The following CFAP221 variants were observed in gnomAD, a reference collection of about 807,000 sequenced individuals.
CFAP221 encodes the protein cilia- and flagella-associated protein 221.
A neutral mutation model predicts 113.1 loss-of-function variants in CFAP221; 97 were observed. That is an observed-to-expected ratio of 0.86 (90% CI 0.73 to 1.02). The LOEUF (loss-of-function observed/expected upper bound fraction) is 1.02, where lower values mean the gene tolerates loss of function less well. Among genes scored for constraint, CFAP221 ranks in the 50% least tolerant of loss-of-function variants. The probability of loss-of-function intolerance (pLI) is 0.00; values close to 1 mark genes in which losing one functional copy is unlikely to be tolerated. For missense variants in CFAP221, 1,025 were observed against 1,013.4 expected (o/e 1.01, Z -0.16); for synonymous variants, 331 against 354.4 (o/e 0.93, Z 0.74).
At chr2:119,586,853 A>G (rs1163874796) in intron 6 of CFAP221, 1 of 314,580 alleles carries the variant, frequency 3.2e-6, no homozygotes, top group Non-Finnish European at 5.8e-6. Flanking sequence ...GCCACTAACT[A>G]TGTCACCTTG....
chr2:119,580,795 T>G (rs1682801507), intron 6 of CFAP221: 1 of 152,252 alleles, frequency 6.6e-6, no homozygotes, highest in Non-Finnish European at 1.5e-5. Flanking sequence ...AGTCAGGCAG[T>G]GTTGGAGACC....
intron 3 of CFAP221, among the ~76,000 whole-genome samples, chr2:119,550,875 C>T (rs926461480): frequency 3.9e-5 from 6 of 152,160 alleles, no homozygotes; most frequent in African/African-American, 1.2e-4. Context: ...AAGAAGAAAC[C>T]CCACACCCAC....
chr2:119,631,820 G>A (rs755372892), intron 19 of CFAP221, among the ~76,000 whole-genome samples: 10 of 152,150 alleles, frequency 6.6e-5, no homozygotes, highest in Non-Finnish European at 8.8e-5. Flanking sequence ...CAGGAATGAG[G>A]AAGATGACAT....
intron 7 of CFAP221, among the ~76,000 whole-genome samples, chr2:119,600,469 T>C (rs1684285993): frequency 6.6e-6 from 1 of 152,246 alleles, no homozygotes; most frequent in Admixed American, 6.5e-5. Context: ...TGGGAATTCA[T>C]GTCTGAATCG....
Position 119,631,877 on chromosome 2 carries a change from GA to G in CFAP221, c.1974+981del. On this transcript the variant is annotated intron_variant, in intron 19 of 23. Coordinates refer to ENST00000413369, the MANE Select transcript of CFAP221 (RefSeq NM_001271049.2). ...TAAAAAGATAAGAAGTTAATATTAT[GA>G]AAAACTTTATGCCAGTAAATTTGAT... Among the ~76,000 whole-genome samples the G allele has an allele frequency of 2.6e-5, 4 of 152,284 alleles. No homozygotes were observed. In the East Asian group the frequency reaches 5.8e-4, roughly 22 times the overall value.
chr2:119,557,234 G>C (rs1314740795), intron 3 of CFAP221: 1 of 152,248 alleles, frequency 6.6e-6, no homozygotes, highest in Admixed American at 6.5e-5. Context: ...GGAGTCATAG[G>C]TCCACTCCTC....
At chr2:119,559,584 G>T in intron 3 of CFAP221, 105 bp from the exon 4 acceptor site, 1 of 908,582 alleles carries the variant, frequency 1.1e-6, no homozygotes, top group Non-Finnish European at 1.7e-6. Flanking sequence ...TTAAATATAG[G>T]ATATCTCCTC....
chr2:119,576,351 C>T (rs142701299), intron 6 of CFAP221, among the ~76,000 whole-genome samples: 1 of 152,140 alleles, frequency 6.6e-6, no homozygotes, highest in Non-Finnish European at 1.5e-5. Context: ...CCTCTCCCTC[C>T]TCTCACCCTC....
chr2:119,604,598 A>G (rs1397799806), intron 8 of CFAP221, 74 bp from the exon 9 acceptor site: 1 of 1,363,056 alleles, frequency 7.3e-7, no homozygotes, highest in Non-Finnish European at 9.7e-7. Flanking sequence ...TGGTGTTATC[A>G]GAAGGAACAT....
chr2:119,632,280 A>G (rs1469023613), intron 19 of CFAP221, among the ~76,000 whole-genome samples: 1 of 152,246 alleles, frequency 6.6e-6, no homozygotes, highest in African/African-American at 2.4e-5. Flanking sequence ...GATAAATCAA[A>G]TTAATTGCTA....
intron 21 of CFAP221, among the ~76,000 whole-genome samples, chr2:119,646,420 A>G (rs1346439682): frequency 1.3e-5 from 2 of 152,110 alleles, no homozygotes; most frequent in African/African-American, 2.4e-5. Flanking sequence ...AGCACCTCAC[A>G]TGGCCAGAGC....
rs546761818 is a variant in CFAP221, at chr2:119,571,520, T to C, written c.527+9406T>C. 9.9e-5 allele frequency among the ~76,000 whole-genome samples: 15 copies of C among 151,614 alleles called. No homozygotes were observed. The South Asian group carries it at 3.1e-3, about 32-fold the overall frequency. ...CCCAGGCTAGAGGGCAGTGTCAGGATCTCGGCTCACTGCAACCTCTGCCTT... is the reference window on the plus strand; with the variant it reads ...CCCAGGCTAGAGGGCAGTGTCAGGACCTCGGCTCACTGCAACCTCTGCCTT... On this transcript the variant is annotated intron_variant, in intron 6 of 23. Coordinates refer to ENST00000413369, the MANE Select transcript of CFAP221 (RefSeq NM_001271049.2).
At chr2:119,581,429 C>T (rs1682836486) in intron 6 of CFAP221, among the ~76,000 whole-genome samples, 1 of 152,022 alleles carries the variant, frequency 6.6e-6, no homozygotes, top group Non-Finnish European at 1.5e-5. Context: ...TCACCGAAAA[C>T]TTAAATCTCA....
At chr2:119,597,893 T>C (rs961417734) in intron 7 of CFAP221, among the ~76,000 whole-genome samples, 1 of 152,234 alleles carries the variant, frequency 6.6e-6, no homozygotes, top group Admixed American at 6.5e-5. Context: ...ATTTTCCATC[T>C]AACGCACAGA....
intron 6 of CFAP221, among the ~76,000 whole-genome samples, chr2:119,570,322 TTC>T (rs566996057): frequency 8.1e-4 from 123 of 152,320 alleles, no homozygotes; most frequent in Non-Finnish European, 1.1e-3. Context: ...AACTGGGTAT[TTC>T]TCTTTCTGAT....
intron 17 of CFAP221, among the ~76,000 whole-genome samples, chr2:119,630,332 G>A (rs1281614360): frequency 6.6e-6 from 1 of 152,210 alleles, no homozygotes; most frequent in East Asian, 1.9e-4. Context: ...CTTAAGCCGT[G>A]TAGTATGGTT....
rs1490917481 is a variant in CFAP221 at position 119,656,422 on chromosome 2, G to A, written c.2475G>A (p.Met825Ile). The A allele has an allele frequency of 6.2e-7, 1 of 1,614,064 alleles. No individual in the cohort carries two copies. Among genetic ancestry groups the A allele is most frequent in the East Asian group, 2.2e-5 (1 of 44,870 alleles). ...EKAGEKLLEE[M>I]RNLRGKALNT... ...CCGGAGAGAAGCTGCTCGAGGAGAT[G>A]AGGAACCTGCGGGGCAAAGCACTCA... The change falls in exon 24 of 24, where the codon ATG (methionine) becomes ATA (isoleucine). Residue 825 changes from methionine to isoleucine, a missense_variant. Physicochemically the swap from Met to Ile is conservative, Grantham distance 10. Transcript: ENST00000413369.
intron 6 of CFAP221, among the ~76,000 whole-genome samples, chr2:119,583,584 C>G (rs888413529): frequency 6.6e-6 from 1 of 152,024 alleles, no homozygotes; most frequent in African/African-American, 2.4e-5. Flanking sequence ...TTGCAATACA[C>G]TAGTAATAAA....
chr2:119,587,986 A>G (rs917249549), intron 7 of CFAP221, among the ~76,000 whole-genome samples: 3 of 152,166 alleles, frequency 2.0e-5, no homozygotes, highest in Non-Finnish European at 2.9e-5. Flanking sequence ...GATTTTGTAA[A>G]ATATAGGGTA....
Sources: gnomAD v4.1 joint callset for allele counts (sites outside exome capture counted in the v4.1 genomes callset) on GRCh38, gnomAD v4.1.1 for gene constraint, MANE v1.5 for transcripts, NCBI Gene and HGNC (gene_info 2026-07-23, HGNC 2026-07-21) for gene names.